Variants in HERC3 observed in about 807,000 individuals in gnomAD.
The protein encoded by HERC3 is probable E3 ubiquitin-protein ligase HERC3.
In HERC3, 58 loss-of-function variants were observed where a neutral mutation model predicts 129.9. The ratio of observed to expected loss-of-function variants is 0.45; its 90% CI spans 0.36 to 0.56. HERC3 has a LOEUF of 0.56. HERC3 is among the 20% of genes least tolerant of loss of function. The pLI is 0.00. For missense variants in HERC3, 835 were observed against 1,244.2 expected, an observed-to-expected ratio of 0.67 and a Z score of 4.95; for synonymous variants, 430 against 451.0, an observed-to-expected ratio of 0.95 and a Z score of 0.59.
In HERC3 at chr4:88,695,741, A is replaced by G. The variant is rs72867762; in HGVS notation, c.2658-8357A>G. Reference sequence around the variant, plus strand: ...CTATTCTATAGGATTTATATGTATTAATCCATTTGCTCTTCATAGTAACCC... The same window carrying G: ...CTATTCTATAGGATTTATATGTATTGATCCATTTGCTCTTCATAGTAACCC... On this transcript the variant is annotated intron_variant, in intron 23 of 25. Transcript: ENST00000402738. 5.2e-3 allele frequency among the ~76,000 whole-genome samples: 786 copies of G among 152,240 alleles called. 6 individuals carry two copies. The highest frequency in any genetic ancestry group is 0.018 in the African/African-American group (759 of 41,540).
chr4:88,634,008 C>A (rs999370333), intron 3 of HERC3, among the ~76,000 whole-genome samples: 4 of 152,190 alleles, frequency 2.6e-5, no homozygotes, highest in Admixed American at 2.6e-4. Context: ...GTGTATTAAT[C>A]TTGCACCGGC....
chr4:88,663,194 A>G (rs567623604), intron 11 of HERC3, among the ~76,000 whole-genome samples: 40 of 152,292 alleles, frequency 2.6e-4, no homozygotes, highest in Middle Eastern at 3.4e-3. Flanking sequence ...AACGTACATA[A>G]TGGTTCCTGC....
rs569742858 is a variant in HERC3 at position 88,679,541 on chromosome 4, G to A, written c.2197-552G>A. 1.7e-4 allele frequency among the ~76,000 whole-genome samples: 23 copies of A among 139,382 alleles called. 1 individual carries two copies. Among genetic ancestry groups the A allele is most frequent in the Admixed American group, 1.0e-3 (14 of 13,686 alleles). 91.4% of individuals were successfully genotyped at this position (139,382 alleles called of 152,430 possible). A position where few individuals can be genotyped will look rare whatever the true frequency, so the allele number is the denominator to read the frequency against. On this transcript the variant is annotated intron_variant, in intron 19 of 25. Transcript: ENST00000402738. ...GTAGACCTTTTTTTTTTTTTTTGTC[G>A]GAGTTTCGCTCTTTGTTGCCCAGGC...
intron 20 of HERC3, 97 bp downstream of exon 20, chr4:88,680,333 C>T: frequency 1.2e-6 from 1 of 813,912 alleles, no homozygotes; most frequent in African/African-American, 1.8e-5. Context: ...CAAAGGGGAA[C>T]ATAACAAGGA....
chr4:88,629,838 A>T (rs1475593126), intron 3 of HERC3, among the ~76,000 whole-genome samples: 1 of 152,202 alleles, frequency 6.6e-6, no homozygotes, highest in African/African-American at 2.4e-5. Context: ...GATTTTTTAC[A>T]TAGCCTCTTT....
intron 2 of HERC3, among the ~76,000 whole-genome samples, chr4:88,604,176 C>G (rs140658912): frequency 6.6e-6 from 1 of 152,170 alleles, no homozygotes; most frequent in Non-Finnish European, 1.5e-5. Context: ...TGCGCCACCG[C>G]GCCTGGCTGA....
At chr4:88,575,372 T>C in the HERC3 span, among the ~76,000 whole-genome samples, 1 of 152,198 alleles carries the variant, frequency 6.6e-6, no homozygotes, top group Non-Finnish European at 1.5e-5. Context: ...TCTGTGTCAT[T>C]CTAGAGCTCC....
chr4:88,645,067 A>G (rs1478116104), intron 3 of HERC3, among the ~76,000 whole-genome samples: 1 of 152,108 alleles, frequency 6.6e-6, no homozygotes, highest in Non-Finnish European at 1.5e-5. Context: ...TTTTGTTTTG[A>G]GCGGTTTGCC....
chr4:88,546,661 G>A, the HERC3 span, among the ~76,000 whole-genome samples: 13 of 152,202 alleles, frequency 8.5e-5, no homozygotes, highest in South Asian at 8.3e-4. Context: ...ACAGGCGTGC[G>A]CCACCATGCC....
At chr4:88,638,383 G>A (rs548770661) in intron 3 of HERC3, among the ~76,000 whole-genome samples, 10 of 152,254 alleles carry the variant, frequency 6.6e-5, no homozygotes, top group Admixed American at 3.9e-4. Flanking sequence ...ACATCAAAAA[G>A]CTTATTTACC....
At chr4:88,533,952 T>C in the HERC3 span, among the ~76,000 whole-genome samples, 245 of 152,254 alleles carry the variant, frequency 1.6e-3, no homozygotes, top group African/African-American at 5.4e-3. Flanking sequence ...TTCTATCTTT[T>C]TTTACTCCCT....
chr4:88,632,603 A>C lies in HERC3; in HGVS notation c.227-17237A>C, dbSNP rs556074934. Among the ~76,000 whole-genome samples the C allele has an allele frequency of 2.0e-5, 3 of 152,370 alleles. No homozygotes were observed. In the South Asian group the frequency reaches 6.2e-4, roughly 32 times the overall value. ...AATAGATGATGTGAAGAGGAACCAA[A>C]TACCATAACTAAAATGAGAAGCTCA... On this transcript the variant is annotated intron_variant, in intron 3 of 25. Transcript: ENST00000402738.
At chr4:88,669,266 A>C (rs1235751917) in intron 14 of HERC3, among the ~76,000 whole-genome samples, 1 of 152,190 alleles carries the variant, frequency 6.6e-6, no homozygotes, top group African/African-American at 2.4e-5. Flanking sequence ...AATCTCAGAC[A>C]TACTATTTCA....
chr4:88,563,746 A>G, the HERC3 span, among the ~76,000 whole-genome samples: 1 of 147,300 alleles, frequency 6.8e-6, no homozygotes, highest in Non-Finnish European at 1.5e-5. Context: ...AGCAACCTCC[A>G]CCTCCTGGGT....
At chr4:88,594,591 C>T (rs773854569) in intron 1 of HERC3, among the ~76,000 whole-genome samples, 9 of 152,204 alleles carry the variant, frequency 5.9e-5, no homozygotes, top group Non-Finnish European at 1.0e-4. Flanking sequence ...TTTTTGGTTT[C>T]GCCAAAAGAC....
At chr4:88,649,342 T>C (rs1225081395) in intron 3 of HERC3, among the ~76,000 whole-genome samples, 2 of 152,194 alleles carry the variant, frequency 1.3e-5, no homozygotes, top group East Asian at 3.9e-4. Context: ...TTCTGTTTCC[T>C]GGCTGGATAC....
chr4:88,595,895 C>T (rs1207199886), intron 2 of HERC3, among the ~76,000 whole-genome samples: 2 of 136,312 alleles, frequency 1.5e-5, no homozygotes, highest in Non-Finnish European at 1.5e-5. Context: ...GTCGCCCACG[C>T]TGGAGTGCAG....
At chr4:88,527,933 T>A in the HERC3 span, 1 of 270,828 alleles carries the variant, frequency 3.7e-6, no homozygotes, top group African/African-American at 2.3e-5. Flanking sequence ...CAGTCATTTC[T>A]GCACTGCTGT....
intron 3 of HERC3, among the ~76,000 whole-genome samples, chr4:88,607,201 A>G (rs1170176564): frequency 6.6e-6 from 1 of 150,980 alleles, no homozygotes; most frequent in Non-Finnish European, 1.5e-5. Context: ...GTGTGTATGC[A>G]TGTGCACTTG....
Sources: gnomAD v4.1 joint callset for allele counts (sites outside exome capture counted in the v4.1 genomes callset) on GRCh38, gnomAD v4.1.1 for gene constraint, MANE v1.5 for transcripts, NCBI Gene and HGNC (gene_info 2026-07-23, HGNC 2026-07-21) for gene names.